Variants in CTTN observed in about 807,000 individuals in gnomAD.
CTTN encodes cortactin.
A neutral mutation model predicts 84.0 loss-of-function variants in CTTN; 28 were observed. That is an observed-to-expected ratio of 0.33 (90% CI 0.25 to 0.46). The LOEUF is 0.46. Ranked by LOEUF, CTTN falls within the 20% of genes least tolerant of loss-of-function variation. The pLI, the probability that CTTN is intolerant of heterozygous loss-of-function variation, is 1.00. For missense variants in CTTN, 641 were observed against 723.8 expected (o/e 0.89, Z 1.31); for synonymous variants, 301 against 288.8 (o/e 1.04, Z -0.43).
Position 70,425,399 on chromosome 11 carries a change from C to T in CTTN, c.1025C>T (p.Ala342Val), listed in dbSNP as rs373181869. The change falls in exon 13 of 18, where the codon GCT becomes GTT. Residue 342 changes from alanine (A) to valine (V), a missense_variant and splice_region_variant. Physicochemically the swap from Ala to Val is moderately conservative, Grantham distance 64. Around this residue, in one of 3 missense-constraint regions of CTTN, gnomAD observed 289 missense variants for 273.1 expected, o/e 1.06. Transcript: ENST00000301843. ...SAYQKTVPVE[A>V]VTSKTSNIRA... ...TACCAGAAGACAGTACCTGTCGAAG[C>T]TGGTGAGTCCCGGCTGATACCAGGA... The T allele has an allele frequency of 8.7e-6, 14 of 1,610,160 alleles. No individual in the cohort carries two copies. Among genetic ancestry groups the T allele is most frequent in the African/African-American group, 1.3e-5 (1 of 74,908 alleles).
At chr11:70,425,249 G>A in intron 12 of CTTN, 83 bp from the exon 13 acceptor site, 1 of 1,060,064 alleles carries the variant, frequency 9.4e-7, no homozygotes, top group South Asian at 1.4e-5. Flanking sequence ...TCTGGGGAAG[G>A]CATTTGCATC....
intron 5 of CTTN, 148 bp from the exon 6 acceptor site, chr11:70,414,394 C>T (rs1449247399): frequency 1.5e-5 from 8 of 541,918 alleles, no homozygotes; most frequent in Non-Finnish European, 2.6e-5. Context: ...GGAGTCGTGT[C>T]GCCTTCCTTG....
chr11:70,436,544 TAAAGA>T lies in CTTN; in HGVS notation c.*1384_*1388del. The T allele has an allele frequency of 2.6e-6, 2 of 768,744 alleles. No individual in the cohort carries two copies. The highest frequency in any genetic ancestry group is 4.2e-6 in the Non-Finnish European group (2 of 477,812). 47.6% of individuals were successfully genotyped at this position (768,744 alleles called of 1,614,324 possible). The stretch of plus-strand genomic sequence containing the variant: ...CCTCATAGGTATGATTTTTTTAAAT[TAAAGA>T]ATTCAGAATAAACATTTTTTGATCC... On this transcript the variant is annotated 3_prime_UTR_variant, in exon 18 of 18. Coordinates refer to ENST00000301843, the MANE Select transcript of CTTN (RefSeq NM_005231.4).
At chr11:70,415,835 C>G in intron 7 of CTTN, 118 bp downstream of exon 7, 1 of 947,218 alleles carries the variant, frequency 1.1e-6, no homozygotes, top group African/African-American at 1.6e-5. Context: ...TCACAGCCAC[C>G]TGAAGCCGTT....
At chr11:70,400,200 G>A (rs1464568071) in intron 1 of CTTN, among the ~76,000 whole-genome samples, 2 of 152,158 alleles carry the variant, frequency 1.3e-5, no homozygotes, top group Admixed American at 1.3e-4. Flanking sequence ...GGGGTGCGGT[G>A]GCTCACACCT....
rs1380581052 is a variant in CTTN, at chr11:70,405,344, C to T, written c.-18C>T. The T allele has an allele frequency of 6.6e-6, 1 of 152,164 alleles. No individual in the cohort carries two copies. The highest frequency in any genetic ancestry group is 1.5e-5 in the Non-Finnish European group (1 of 68,040). 9.4% of individuals were successfully genotyped at this position (152,164 alleles called of 1,614,324 possible). A position where few individuals can be genotyped will look rare whatever the true frequency, so the allele number is the denominator to read the frequency against. On this transcript the variant is annotated 5_prime_UTR_variant, in exon 2 of 18. Transcript: ENST00000301843. The stretch of plus-strand genomic sequence containing the variant: ...CAGAATTTCGTGAACAGCCTTTTAT[C>T]TCCAAGCGGAAAGAAAGGTACTTGT...
intron 8 of CTTN, among the ~76,000 whole-genome samples, chr11:70,417,435 C>G (rs1053002368): frequency 1.1e-4 from 16 of 151,830 alleles, no homozygotes; most frequent in African/African-American, 3.9e-4. Context: ...TCCGTGGTCT[C>G]AAGCAATCCT....
Position 70,435,195 on chromosome 11 carries a change from G to GAT in CTTN, c.*34_*35dup, listed in dbSNP as rs536934781. On this transcript the variant is annotated 3_prime_UTR_variant, in exon 18 of 18. Transcript: ENST00000301843. ...AGCCCCCCCCCGGAGCTGCGCCCTGGATCCTCACACTACAGATCAGGCCTT... is the reference window on the plus strand; with the variant it reads ...AGCCCCCCCCCGGAGCTGCGCCCTGGATATCCTCACACTACAGATCAGGCCTT... 31 of 1,582,190 alleles carry GAT rather than the reference G, an allele frequency of 2.0e-5. No homozygotes were observed. In the South Asian group the frequency reaches 3.2e-4, roughly 16 times the overall value.
chr11:70,419,114 C>CTT (rs66642909), intron 8 of CTTN, among the ~76,000 whole-genome samples: 1 of 138,914 alleles, frequency 7.2e-6, no homozygotes, highest in Non-Finnish European at 1.5e-5. Context: ...TTTCTTAATT[C>CTT]TTTTTTTTTT....
At chr11:70,420,148 G>A in intron 9 of CTTN, 2 of 596,502 alleles carry the variant, frequency 3.4e-6, no homozygotes, top group South Asian at 4.2e-5. Context: ...GCGGGTGGAA[G>A]CCGCATGCGT....
Position 70,431,372 on chromosome 11 carries a change from C to T in CTTN, c.1266+92C>T, listed in dbSNP as rs972703575. ...AGTGGAGGAAGCCCTTGCAGGCAGG[C>T]AGTGTGGCGTGGGTGTAGAGGGCAT... is the stretch of plus-strand genomic sequence containing the variant. On this transcript the variant is annotated intron_variant, in intron 15 of 17. Coordinates refer to ENST00000301843, the MANE Select transcript of CTTN (RefSeq NM_005231.4). The T allele has an allele frequency of 5.9e-6, 8 of 1,360,706 alleles. No individual in the cohort carries two copies. The highest frequency in any genetic ancestry group is 2.9e-5 in the African/African-American group (2 of 69,722). 84.3% of individuals were successfully genotyped at this position (1,360,706 alleles called of 1,614,324 possible). A position where few individuals can be genotyped will look rare whatever the true frequency, so the allele number is the denominator to read the frequency against.
At chr11:70,406,314 C>T (rs1003630991) in intron 2 of CTTN, among the ~76,000 whole-genome samples, 5 of 152,112 alleles carry the variant, frequency 3.3e-5, no homozygotes, top group Non-Finnish European at 5.9e-5. Context: ...TCTCAAGCTG[C>T]GAAGGGGTTT....
chr11:70,420,374 G>T, intron 9 of CTTN, 26 bp from the exon 10 acceptor site: 1 of 1,506,490 alleles, frequency 6.6e-7, no homozygotes, highest in Non-Finnish European at 9.2e-7. Flanking sequence ...TTAATGATGG[G>T]TTCTGGCCTT....
chr11:70,406,510 A>G (rs1197908607), intron 2 of CTTN, among the ~76,000 whole-genome samples: 1 of 150,638 alleles, frequency 6.6e-6, no homozygotes, highest in Non-Finnish European at 1.5e-5. Flanking sequence ...ACTTCTTTTT[A>G]TACATAGTTT....
rs76608698 is a variant in CTTN at position 70,402,807 on chromosome 11, G to A, written c.-97-2458G>A. Among the ~76,000 whole-genome samples, 132 of 152,286 alleles carry A rather than the reference G, an allele frequency of 8.7e-4. 1 individual carries two copies. The East Asian group carries it at 0.017, about 20-fold the overall frequency. On this transcript the variant is annotated intron_variant, in intron 1 of 17. Coordinates refer to ENST00000301843, the MANE Select transcript of CTTN (RefSeq NM_005231.4). ...TCTGAACACTCACGCACAAGTTTTT[G>A]TGTGCTTATACTTTATTTCTCTTGG...
rs115598966 is a variant in CTTN, at chr11:70,406,293, A to G, written c.-1+932A>G. ...CAGCCAGGCTGGAGGGAGAGGAGCC[A>G]GATGGGACATTCTCAAGCTGCGAAG... On this transcript the variant is annotated intron_variant, in intron 2 of 17. Transcript: ENST00000301843. Among the ~76,000 whole-genome samples the G allele has an allele frequency of 8.8e-3, 1,345 of 152,314 alleles. 28 individuals are homozygous for G. Among genetic ancestry groups the G allele is most frequent in the African/African-American group, 0.03 (1,258 of 41,552 alleles).
Position 70,414,653 on chromosome 11 carries a change from G to A in CTTN, c.402+1G>A. 6.2e-7 allele frequency: 1 copy of A among 1,610,508 alleles called. No homozygotes were observed. The highest frequency in any genetic ancestry group is 8.5e-7 in the Non-Finnish European group (1 of 1,176,678). On this transcript the variant is annotated splice_donor_variant, in intron 6 of 17. Transcript: ENST00000301843. LOFTEE classifies it high-confidence loss of function. The stretch of plus-strand genomic sequence containing the variant: ...TGTCCAGATGGACAGAGTTGATCAG[G>A]TGAGTGATGTGGCACTGGGACTGGG...
chr11:70,417,221 C>G, intron 8 of CTTN, 98 bp downstream of exon 8: 1 of 945,078 alleles, frequency 1.1e-6, no homozygotes, highest in Non-Finnish European at 1.7e-6. Flanking sequence ...GATTTTTTAA[C>G]TGAAAATGTT....
chr11:70,406,015 C>A (rs2058037712), intron 2 of CTTN, among the ~76,000 whole-genome samples: 1 of 152,256 alleles, frequency 6.6e-6, no homozygotes, highest in South Asian at 2.1e-4. Context: ...CGCGTTGGGA[C>A]AAGATGGACT....
Sources: allele counts gnomAD v4.1 joint callset (sites outside exome capture counted in the v4.1 genomes callset), GRCh38; gene constraint gnomAD v4.1.1; regional missense constraint gnomAD v4.1.1; transcripts MANE v1.5; gene names NCBI Gene and HGNC (gene_info 2026-07-23, HGNC 2026-07-21).